Variants in GRIA1 observed in about 807,000 individuals in gnomAD.
The protein encoded by GRIA1 is glutamate ionotropic receptor AMPA type subunit 1.
GRIA1 carries 31 observed loss-of-function variants against 99.2 expected under a neutral mutation model. The ratio of observed to expected loss-of-function variants is 0.31; its 90% CI spans 0.23 to 0.42. The LOEUF (loss-of-function observed/expected upper bound fraction) is 0.42. GRIA1 is among the 10% of genes least tolerant of loss of function. GRIA1 has a pLI of 1.00. For missense variants in GRIA1, 782 were observed against 1,157.5 expected, an observed-to-expected ratio of 0.68 and a Z score of 4.71; for synonymous variants, 438 against 432.4, an observed-to-expected ratio of 1.01 and a Z score of -0.16.
At chr5:153,509,262 G>T (rs1755827647) in intron 2 of GRIA1, among the ~76,000 whole-genome samples, 1 of 152,122 alleles carries the variant, frequency 6.6e-6, no homozygotes, top group African/African-American at 2.4e-5. Flanking sequence ...AGATGAAAGA[G>T]GTAAGATTCA....
At chr5:153,542,702 C>T (rs546721619) in intron 2 of GRIA1, among the ~76,000 whole-genome samples, 1 of 152,330 alleles carries the variant, frequency 6.6e-6, no homozygotes, top group African/African-American at 2.4e-5. Context: ...GAAGCCTTGG[C>T]TAACTTCATT....
chr5:153,718,236 TG>T (rs1247330599), intron 11 of GRIA1, among the ~76,000 whole-genome samples: 1 of 152,158 alleles, frequency 6.6e-6, no homozygotes, highest in Non-Finnish European at 1.5e-5. Flanking sequence ...AAGCAGAACA[TG>T]CTTTTGAATA....
chr5:153,532,562 C>G (rs533699874), intron 2 of GRIA1, among the ~76,000 whole-genome samples: 3 of 152,304 alleles, frequency 2.0e-5, no homozygotes, highest in South Asian at 4.1e-4. Context: ...TCAGTTTCCA[C>G]AAACCCCACA....
chr5:153,494,309 T>A, intron 2 of GRIA1: 1 of 477,230 alleles, frequency 2.1e-6, no homozygotes, highest in East Asian at 3.6e-5. Context: ...GCCAGCACGA[T>A]GGGTGCTTGG....
At chr5:153,581,322 T>C (rs1018030782) in intron 2 of GRIA1, among the ~76,000 whole-genome samples, 1 of 152,230 alleles carries the variant, frequency 6.6e-6, no homozygotes, top group African/African-American at 2.4e-5. Flanking sequence ...CTTTCCATCA[T>C]GAATAGAATC....
At chr5:153,714,694 C>G (rs115792261) in intron 11 of GRIA1, among the ~76,000 whole-genome samples, 1 of 152,156 alleles carries the variant, frequency 6.6e-6, no homozygotes, top group Non-Finnish European at 1.5e-5. Context: ...ATTGAATTGA[C>G]GAGGAAAGTA....
intron 6 of GRIA1, among the ~76,000 whole-genome samples, chr5:153,675,368 C>T (rs1341989126): frequency 2.0e-5 from 3 of 152,234 alleles, no homozygotes; most frequent in Admixed American, 2.0e-4. Flanking sequence ...GGAGAGTCCA[C>T]TCTCAGTAAT....
intron 2 of GRIA1, among the ~76,000 whole-genome samples, chr5:153,626,107 C>CT (rs1170874736): frequency 6.6e-6 from 1 of 152,174 alleles, no homozygotes; most frequent in Admixed American, 6.5e-5. Context: ...CTTCACGTTT[C>CT]TTAACTCTGA....
chr5:153,763,708 T>C (rs1410207953), intron 11 of GRIA1, among the ~76,000 whole-genome samples: 1 of 152,228 alleles, frequency 6.6e-6, no homozygotes, highest in African/African-American at 2.4e-5. Context: ...CTCTTCATTG[T>C]TTGGGAGATA....
intron 5 of GRIA1, among the ~76,000 whole-genome samples, chr5:153,663,446 G>GA (rs1013500874): frequency 5.3e-5 from 8 of 152,208 alleles, no homozygotes. Context: ...GCCTGGGTTT[G>GA]AAATCTGGCT....
At chr5:153,746,621 C>T (rs1305810172) in intron 11 of GRIA1, among the ~76,000 whole-genome samples, 1 of 152,158 alleles carries the variant, frequency 6.6e-6, no homozygotes, top group African/African-American at 2.4e-5. Flanking sequence ...CATCTCACCT[C>T]TGAAAATGAG....
chr5:153,568,709 T>C (rs1296247829), intron 2 of GRIA1, among the ~76,000 whole-genome samples: 1 of 152,216 alleles, frequency 6.6e-6, no homozygotes, highest in Non-Finnish European at 1.5e-5. Flanking sequence ...AATTTGTACC[T>C]AGCTTATTAT....
At chr5:153,566,691 T>C (rs1761659506) in intron 2 of GRIA1, among the ~76,000 whole-genome samples, 1 of 150,884 alleles carries the variant, frequency 6.6e-6, no homozygotes. Flanking sequence ...AAGCTGCTTA[T>C]CAGATATACA....
At chr5:153,736,294 G>A (rs1467600636) in intron 11 of GRIA1, among the ~76,000 whole-genome samples, 1 of 152,106 alleles carries the variant, frequency 6.6e-6, no homozygotes, top group Non-Finnish European at 1.5e-5. Context: ...TAAAGAGACT[G>A]AACTCAAATT....
At chr5:153,569,157 T>C (rs6898976) in intron 2 of GRIA1, among the ~76,000 whole-genome samples, 11,820 of 152,276 alleles carry the variant, frequency 0.078, 1,237 homozygotes, top group African/African-American at 0.24. Flanking sequence ...CACATCTTTG[T>C]CTGCTCCCAC....
rs1763796980 is a variant in GRIA1, at chr5:153,770,410, C to T, written c.2265C>T (p.Ala755=). ...GYGIATPKGS[A]LRNPVNLAVL... ...GCATTGCAACACCCAAGGGGTCTGC[C>T]CTGAGGTAAGTAGCCAAGATTTGCT... Residue 755 remains alanine, a synonymous_variant, in exon 13 of 16, where the codon GCC becomes GCT. Coordinates refer to ENST00000285900, the MANE Select transcript of GRIA1 (RefSeq NM_000827.4). 2 of 1,611,418 alleles carry T rather than the reference C, an allele frequency of 1.2e-6. No individual in the cohort carries two copies. The highest frequency in any genetic ancestry group is 1.7e-6 in the Non-Finnish European group (2 of 1,177,902).
intron 11 of GRIA1, among the ~76,000 whole-genome samples, chr5:153,745,425 T>TAAAG (rs1419199004): frequency 6.6e-6 from 1 of 151,764 alleles, no homozygotes; most frequent in East Asian, 1.9e-4. Flanking sequence ...CCATCTCTAC[T>TAAAG]AAAGATACAA....
chr5:153,586,583 A>C (rs930257263), intron 2 of GRIA1, among the ~76,000 whole-genome samples: 5 of 152,216 alleles, frequency 3.3e-5, no homozygotes, highest in African/African-American at 1.2e-4. Flanking sequence ...CTTGAACAAA[A>C]GGGGAATAAT....
At chr5:153,712,964 G>A (rs964328579) in intron 11 of GRIA1, among the ~76,000 whole-genome samples, 37 of 152,294 alleles carry the variant, frequency 2.4e-4, no homozygotes, top group Middle Eastern at 3.4e-3. Context: ...TTCTGCCCCA[G>A]GGCTGATGGG....
Sources: allele counts gnomAD v4.1 joint callset (sites outside exome capture counted in the v4.1 genomes callset), GRCh38; gene constraint gnomAD v4.1.1; transcripts MANE v1.5; gene names NCBI Gene and HGNC (gene_info 2026-07-23, HGNC 2026-07-21).